Variants in TMEM38B observed in about 807,000 individuals in gnomAD.
The protein encoded by TMEM38B is trimeric intracellular cation channel type B.
Under a neutral mutation model 28.7 loss-of-function variants are expected in TMEM38B, and 24 were observed. The observed-to-expected ratio is 0.84, with a 90% CI of 0.61 to 1.18. The LOEUF is 1.18. Ranked by LOEUF, TMEM38B falls within the 50% of genes most tolerant of loss-of-function variation. TMEM38B has a pLI of 0.00. For missense variants in TMEM38B, 380 were observed against 350.9 expected (o/e 1.08, Z -0.66); for synonymous variants, 131 against 127.7 (o/e 1.03, Z -0.17).
chr9:105,758,293 A>T (rs1837906939), intron 5 of TMEM38B: 1 of 708,322 alleles, frequency 1.4e-6, no homozygotes, highest in Admixed American at 2.1e-5. Flanking sequence ...AAATCCTTCT[A>T]AAGACACATC....
chr9:105,699,914 G>A (rs1440383211), intron 1 of TMEM38B, among the ~76,000 whole-genome samples: 1 of 152,064 alleles, frequency 6.6e-6, no homozygotes, highest in African/African-American at 2.4e-5. Context: ...TTTGGTGGTT[G>A]CTAGTGAGAA....
At chr9:105,764,150 C>T (rs953760355) in intron 5 of TMEM38B, among the ~76,000 whole-genome samples, 1 of 150,038 alleles carries the variant, frequency 6.7e-6, no homozygotes, top group Admixed American at 6.6e-5. Context: ...AAACTGGAAG[C>T]ATTCCCTTTG....
chr9:105,708,693 C>G (rs1835771881), intron 2 of TMEM38B, among the ~76,000 whole-genome samples: 1 of 152,016 alleles, frequency 6.6e-6, no homozygotes, highest in Non-Finnish European at 1.5e-5. Context: ...TTTGTACTTT[C>G]TTTCTTCTCT....
intron 2 of TMEM38B, chr9:105,710,890 G>A (rs991095639): frequency 7.6e-5 from 21 of 277,288 alleles, no homozygotes; most frequent in South Asian, 7.4e-4. Flanking sequence ...TATGGCAACC[G>A]CCTCTTTTCC....
At chr9:105,731,391 G>A (rs1836741391) in intron 4 of TMEM38B, among the ~76,000 whole-genome samples, 1 of 151,772 alleles carries the variant, frequency 6.6e-6, no homozygotes, top group South Asian at 2.1e-4. Flanking sequence ...GTGTCATGTT[G>A]GTGTGCTGCA....
intron 4 of TMEM38B, among the ~76,000 whole-genome samples, chr9:105,740,320 A>C (rs1373750717): frequency 6.9e-6 from 1 of 145,582 alleles, no homozygotes; most frequent in Non-Finnish European, 1.5e-5. Context: ...GAGTGCAGTG[A>C]AGTGATCTTG....
intron 4 of TMEM38B, among the ~76,000 whole-genome samples, chr9:105,733,297 C>T (rs1836835737): frequency 6.6e-6 from 1 of 152,094 alleles, no homozygotes. Context: ...ACACAAACAG[C>T]CATCTCTTGA....
chr9:105,702,012 T>C (rs1835477815), intron 1 of TMEM38B, among the ~76,000 whole-genome samples: 1 of 152,012 alleles, frequency 6.6e-6, no homozygotes, highest in Non-Finnish European at 1.5e-5. Context: ...GCCAGAAGTT[T>C]GAGACCAGCC....
At chr9:105,695,424 T>A (rs1456503751) in intron 1 of TMEM38B, among the ~76,000 whole-genome samples, 1 of 152,240 alleles carries the variant, frequency 6.6e-6, no homozygotes, top group Non-Finnish European at 1.5e-5. Flanking sequence ...CGACGGACAC[T>A]GTACAAGCAA....
chr9:105,721,486 C>A (rs761605385), intron 2 of TMEM38B, 51 bp from the exon 3 acceptor site: 4 of 1,305,958 alleles, frequency 3.1e-6, no homozygotes, highest in South Asian at 1.9e-5. Context: ...ATTTTAATTT[C>A]TGTTCTTCTG....
chr9:105,716,784 C>T (rs1255798245), intron 2 of TMEM38B, among the ~76,000 whole-genome samples: 1 of 152,150 alleles, frequency 6.6e-6, no homozygotes, highest in Non-Finnish European at 1.5e-5. Context: ...ATAATAAATA[C>T]ATTATCTCTT....
intron 5 of TMEM38B, among the ~76,000 whole-genome samples, chr9:105,749,823 G>A (rs914009986): frequency 6.6e-6 from 1 of 152,148 alleles, no homozygotes; most frequent in African/African-American, 2.4e-5. Flanking sequence ...AATGAGCTGT[G>A]AACATTCATG....
At chr9:105,751,231 G>A (rs538991644) in intron 5 of TMEM38B, among the ~76,000 whole-genome samples, 1 of 152,324 alleles carries the variant, frequency 6.6e-6, no homozygotes, top group South Asian at 2.1e-4. Context: ...CATGGAGAAG[G>A]AAGAAAAGCA....
In TMEM38B at chr9:105,712,388, G is replaced by A. The variant is rs1835937615; in HGVS notation, c.269+6635G>A. 5.9e-5 allele frequency among the ~76,000 whole-genome samples: 9 copies of A among 152,234 alleles called. No homozygotes were observed. The South Asian group carries it at 1.9e-3, about 32-fold the overall frequency. ...GTTTCTTAAGCTTTTTAAAAAAATGGTTAACCCTTAATTTCTTTCTTTTCC... is the reference window on the plus strand; with the variant it reads ...GTTTCTTAAGCTTTTTAAAAAAATGATTAACCCTTAATTTCTTTCTTTTCC... On this transcript the variant is annotated intron_variant, in intron 2 of 5. Coordinates refer to ENST00000374692, the MANE Select transcript of TMEM38B (RefSeq NM_018112.3).
rs535517699 is a variant in TMEM38B, at chr9:105,738,496, G to A, written c.543-9577G>A. On this transcript the variant is annotated intron_variant, in intron 4 of 5. Transcript: ENST00000374692. Reference sequence around the variant, plus strand: ...CATCAAGATGTAGTTGTTATTTATTGTTTTGTTTGTTTGTTTTGGTGTGGG... The same window carrying A: ...CATCAAGATGTAGTTGTTATTTATTATTTTGTTTGTTTGTTTTGGTGTGGG... Among the ~76,000 whole-genome samples the A allele has an allele frequency of 2.3e-4, 35 of 151,968 alleles. No individual in the cohort carries two copies. In the South Asian group the frequency reaches 2.9e-3, roughly 13 times the overall value.
At chr9:105,704,671 A>G (rs1045438512) in intron 1 of TMEM38B, among the ~76,000 whole-genome samples, 5 of 152,084 alleles carry the variant, frequency 3.3e-5, no homozygotes, top group Non-Finnish European at 5.9e-5. Flanking sequence ...CACGCCTGTA[A>G]TTCCAGCACT....
At chr9:105,766,535 T>C (rs1826378952) in intron 5 of TMEM38B, among the ~76,000 whole-genome samples, 1 of 152,162 alleles carries the variant, frequency 6.6e-6, no homozygotes. Context: ...AATAATTTTC[T>C]CCCAGTTTAT....
Position 105,701,908 on chromosome 9 carries a change from C to A in TMEM38B, c.113-3689C>A, listed in dbSNP as rs1240071844. Among the ~76,000 whole-genome samples, 3 of 152,112 alleles carry A rather than the reference C, an allele frequency of 2.0e-5. No individual in the cohort carries two copies. The East Asian group carries it at 5.8e-4, about 29-fold the overall frequency. ...AGGTGAGTATGTGGATCTACCTGGC[C>A]CACTATGATTCAAACTTGATCTAAG... On this transcript the variant is annotated intron_variant, in intron 1 of 5. Coordinates refer to ENST00000374692, the MANE Select transcript of TMEM38B (RefSeq NM_018112.3).
At position 105,703,008 on chromosome 9, in the gene TMEM38B, C is replaced by G. The variant is rs563657364; in HGVS notation, c.113-2589C>G. 4.6e-4 allele frequency among the ~76,000 whole-genome samples: 70 copies of G among 151,252 alleles called. 2 individuals are homozygous for G. Among genetic ancestry groups the G allele is most frequent in the Non-Finnish European group, 8.8e-4 (59 of 67,354 alleles). On this transcript the variant is annotated intron_variant, in intron 1 of 5. Coordinates refer to ENST00000374692, the MANE Select transcript of TMEM38B (RefSeq NM_018112.3). ...CTGAAAGCATTTTGATATTAAAGTTCATATGTAATTATTTGCATTTTAAAC... is the reference window on the plus strand; with the variant it reads ...CTGAAAGCATTTTGATATTAAAGTTGATATGTAATTATTTGCATTTTAAAC...
Sources: gnomAD v4.1 joint callset for allele counts (sites outside exome capture counted in the v4.1 genomes callset) on GRCh38, gnomAD v4.1.1 for gene constraint, MANE v1.5 for transcripts, NCBI Gene and HGNC (gene_info 2026-07-23, HGNC 2026-07-21) for gene names.